The following CNTN5 variants were observed in gnomAD, a reference collection of about 807,000 sequenced individuals.
The protein encoded by CNTN5 is contactin 5, also known as contactin-5.
CNTN5 carries 77 observed loss-of-function variants against 129.1 expected under a neutral mutation model. That is an observed-to-expected ratio of 0.60 (90% CI 0.50 to 0.72). CNTN5 has a LOEUF of 0.72. Among genes scored for constraint, CNTN5 ranks in the 30% least tolerant of loss-of-function variants. CNTN5 has a pLI of 0.00. For missense variants in CNTN5, 1,478 were observed against 1,328.8 expected (o/e 1.11, Z -1.75); for synonymous variants, 509 against 465.6 (o/e 1.09, Z -1.20).
chr11:100,279,446 CT>C (rs915046858), intron 18 of CNTN5, among the ~76,000 whole-genome samples: 10 of 150,666 alleles, frequency 6.6e-5, no homozygotes, highest in South Asian at 6.3e-4. Context: ...TCTGAGGCTT[CT>C]TTTTTTTTCC....
rs1452080251 is a variant in CNTN5, at chr11:99,644,447, G to C, written c.55+88178G>C. On this transcript the variant is annotated intron_variant, in intron 3 of 24. Coordinates refer to ENST00000524871, the MANE Select transcript of CNTN5 (RefSeq NM_014361.4). ...ATATCACTTCATAACTAATAATTTA[G>C]AAATGAATCTCAAGTCAAATAATTA... Among the ~76,000 whole-genome samples the C allele has an allele frequency of 2.0e-5, 3 of 152,084 alleles. No homozygotes were observed. In the East Asian group the frequency reaches 5.8e-4, roughly 29 times the overall value.
At chr11:99,093,726 T>A (rs1201532677) in intron 1 of CNTN5, among the ~76,000 whole-genome samples, 1 of 152,000 alleles carries the variant, frequency 6.6e-6, no homozygotes, top group Non-Finnish European at 1.5e-5. Flanking sequence ...TTTATAGCCC[T>A]TTACATTTCG....
intron 9 of CNTN5, among the ~76,000 whole-genome samples, chr11:100,035,782 T>A (rs1472776531): frequency 1.3e-5 from 2 of 151,906 alleles, no homozygotes; most frequent in East Asian, 3.9e-4. Context: ...TTGAGAAGTG[T>A]CTGTTCATAT....
intron 1 of CNTN5, among the ~76,000 whole-genome samples, chr11:99,056,962 C>A (rs1358977150): frequency 6.6e-6 from 1 of 151,998 alleles, no homozygotes; most frequent in Non-Finnish European, 1.5e-5. Context: ...GGCTGCCCAA[C>A]ACCACTTTTC....
At chr11:100,101,692 T>C (rs960022266) in intron 13 of CNTN5, among the ~76,000 whole-genome samples, 1 of 152,102 alleles carries the variant, frequency 6.6e-6, no homozygotes, top group Non-Finnish European at 1.5e-5. Context: ...GGGCAGAGTA[T>C]ACTATACCCA....
intron 2 of CNTN5, among the ~76,000 whole-genome samples, chr11:99,550,331 T>A (rs753463769): frequency 1.4e-4 from 21 of 152,314 alleles, no homozygotes; most frequent in Non-Finnish European, 2.4e-4. Flanking sequence ...ACATTCTTCT[T>A]TATTCCTGCT....
chr11:99,972,013 G>T (rs1404415467), intron 8 of CNTN5, among the ~76,000 whole-genome samples: 1 of 149,402 alleles, frequency 6.7e-6, no homozygotes, highest in Non-Finnish European at 1.5e-5. Context: ...ACTTTGGGAG[G>T]CTGAGGCAGG....
chr11:99,345,004 C>T (rs905790586), intron 2 of CNTN5, among the ~76,000 whole-genome samples: 87 of 152,202 alleles, frequency 5.7e-4, no homozygotes, highest in African/African-American at 1.9e-3. Flanking sequence ...TGTGATGGAA[C>T]AGAAAACATA....
chr11:99,389,036 T>TTTTATTTTA (rs1375147486), intron 2 of CNTN5, among the ~76,000 whole-genome samples: 1 of 151,080 alleles, frequency 6.6e-6, no homozygotes, highest in African/African-American at 2.4e-5. Context: ...TTTTATTTTA[T>TTTTATTTTA]TTTATTTTTT....
intron 2 of CNTN5, among the ~76,000 whole-genome samples, chr11:99,417,726 G>A (rs916945062): frequency 1.2e-4 from 19 of 152,002 alleles, no homozygotes; most frequent in African/African-American, 4.3e-4. Flanking sequence ...TAAATTCATG[G>A]TGTCACAAGT....
chr11:100,350,836 A>G lies in CNTN5; in HGVS notation c.3165A>G (p.Thr1055=). ...VRAYSEGGDG[T]ASSQIRVPSY... ...CATATAGTGAAGGAGGAGATGGAAC[A>G]GCTAGTTCTCAAATTAGGGTACCAT... Residue 1055 remains threonine, a synonymous_variant, in exon 24 of 25, where the codon ACA becomes ACG. Coordinates refer to ENST00000524871, the MANE Select transcript of CNTN5 (RefSeq NM_014361.4). The G allele has an allele frequency of 6.3e-7, 1 of 1,594,950 alleles. No individual in the cohort carries two copies. Among genetic ancestry groups the G allele is most frequent in the African/African-American group, 1.3e-5 (1 of 74,378 alleles).
intron 6 of CNTN5, among the ~76,000 whole-genome samples, chr11:99,874,076 A>C (rs1235163447): frequency 6.6e-6 from 1 of 152,102 alleles, no homozygotes; most frequent in African/African-American, 2.4e-5. Flanking sequence ...GGAGGAAGGA[A>C]TGGGGATTTG....
At position 100,241,054 on chromosome 11, in the gene CNTN5, G is replaced by A. The variant is rs371212380; in HGVS notation, c.2006-14706G>A. ...TTATAGAAAACTTTGTACAAACATG[G>A]TACTTTCCATATTTTAGCACCTCAT... On this transcript the variant is annotated intron_variant, in intron 16 of 24. Transcript: ENST00000524871. Among the ~76,000 whole-genome samples, 76 of 152,226 alleles carry A rather than the reference G, an allele frequency of 5.0e-4. 1 individual carries two copies. The highest frequency in any genetic ancestry group is 6.8e-3 in the Middle Eastern group (2 of 294).
At chr11:99,086,510 TC>T (rs1200100036) in intron 1 of CNTN5, among the ~76,000 whole-genome samples, 1 of 152,024 alleles carries the variant, frequency 6.6e-6, no homozygotes, top group Non-Finnish European at 1.5e-5. Flanking sequence ...GGGGGACAGG[TC>T]CCAGACTTGT....
At position 99,258,763 on chromosome 11, in the gene CNTN5, A is replaced by T. The variant is rs552778100; in HGVS notation, c.-209-66583A>T. Reference sequence around the variant, plus strand: ...GGTTACAAAAATAAAAAAGAAAATTATTAGGGGTTGAATGTAAATTTCACT... The same window carrying T: ...GGTTACAAAAATAAAAAAGAAAATTTTTAGGGGTTGAATGTAAATTTCACT... On this transcript the variant is annotated intron_variant, in intron 1 of 24. Coordinates refer to ENST00000524871, the MANE Select transcript of CNTN5 (RefSeq NM_014361.4). Among the ~76,000 whole-genome samples, 182 of 152,078 alleles carry T rather than the reference A, an allele frequency of 1.2e-3. 1 individual carries two copies. In the Middle Eastern group the frequency reaches 0.014, roughly 12 times the overall value.
At position 99,407,202 on chromosome 11, in the gene CNTN5, C is replaced by T. The variant is rs115234205; in HGVS notation, c.-71+81718C>T. Among the ~76,000 whole-genome samples the T allele has an allele frequency of 4.2e-3, 635 of 150,442 alleles. 3 individuals carry two copies. Among genetic ancestry groups the T allele is most frequent in the African/African-American group, 0.015 (608 of 40,914 alleles). ...GCAAATCTCAGAGTCTCATGAAAAG[C>T]CCTAAACATAGTTATCTGGGTATTA... On this transcript the variant is annotated intron_variant, in intron 2 of 24. Transcript: ENST00000524871.
chr11:99,320,596 G>C (rs1404069738), intron 1 of CNTN5, among the ~76,000 whole-genome samples: 1 of 152,052 alleles, frequency 6.6e-6, no homozygotes, highest in Non-Finnish European at 1.5e-5. Context: ...CACAGAAAAA[G>C]AAAAGTGAAA....
intron 1 of CNTN5, among the ~76,000 whole-genome samples, chr11:99,223,504 G>T (rs150736739): frequency 1.6e-4 from 25 of 152,122 alleles, no homozygotes; most frequent in Admixed American, 7.2e-4. Context: ...AATAAACTGC[G>T]CTTCAAATTC....
Position 99,782,823 on chromosome 11 carries a change from C to T in CNTN5, c.56-36721C>T, listed in dbSNP as rs1425870494. On this transcript the variant is annotated intron_variant, in intron 3 of 24. Coordinates refer to ENST00000524871, the MANE Select transcript of CNTN5 (RefSeq NM_014361.4). ...CCTTCCTTACACCTTATACAAAAAT[C>T]AATTCAAGATGGATTAAAGACTTAA... Among the ~76,000 whole-genome samples the T allele has an allele frequency of 2.0e-5, 3 of 151,728 alleles. No homozygotes were observed. In the South Asian group the frequency reaches 6.3e-4, roughly 32 times the overall value.
Sources: allele counts gnomAD v4.1 joint callset (sites outside exome capture counted in the v4.1 genomes callset), GRCh38; gene constraint gnomAD v4.1.1; transcripts MANE v1.5; gene names NCBI Gene and HGNC (gene_info 2026-07-23, HGNC 2026-07-21).